SNX29: variants seen among roughly 807,000 people sequenced by gnomAD.
SNX29 encodes sorting nexin-29.
A neutral mutation model predicts 102.1 loss-of-function variants in SNX29; 78 were observed. The observed-to-expected ratio is 0.76, with a 90% CI of 0.64 to 0.92. SNX29 has a LOEUF of 0.92. SNX29 is among the 40% of genes least tolerant of loss of function. SNX29 has a pLI of 0.00. For missense variants in SNX29, 1,280 were observed against 1,061.7 expected (o/e 1.21, Z -2.86); for synonymous variants, 580 against 414.5 (o/e 1.40, Z -4.85).
At chr16:12,559,991 T>C (rs1002073346) in intron 20 of SNX29, among the ~76,000 whole-genome samples, 1 of 152,160 alleles carries the variant, frequency 6.6e-6, no homozygotes, top group Non-Finnish European at 1.5e-5. Context: ...AAAAAAGATT[T>C]TGCAAGCAAC....
chr16:12,323,880 C>G (rs777898871), intron 15 of SNX29, among the ~76,000 whole-genome samples: 123 of 152,144 alleles, frequency 8.1e-4, no homozygotes, highest in Non-Finnish European at 1.5e-3. Context: ...TTGTTAAGTA[C>G]TAACTTTTAT....
intron 13 of SNX29, among the ~76,000 whole-genome samples, chr16:12,167,045 A>G (rs1033282509): frequency 1.1e-4 from 17 of 152,170 alleles, no homozygotes; most frequent in African/African-American, 3.9e-4. Context: ...CATTTGCTCA[A>G]TGCATGTCTT....
At chr16:12,293,180 G>T (rs2079858355) in intron 15 of SNX29, among the ~76,000 whole-genome samples, 1 of 152,192 alleles carries the variant, frequency 6.6e-6, no homozygotes, top group East Asian at 1.9e-4. Context: ...GGCCTCAAGT[G>T]ATCCTCCCAC....
intron 15 of SNX29, among the ~76,000 whole-genome samples, chr16:12,346,661 A>G (rs2081818634): frequency 2.0e-5 from 3 of 152,142 alleles, no homozygotes; most frequent in African/African-American, 7.2e-5. Context: ...AAAGGAACAC[A>G]CCTTTCAGCA....
intron 13 of SNX29, among the ~76,000 whole-genome samples, chr16:12,172,165 C>T (rs1201597804): frequency 6.6e-6 from 1 of 152,142 alleles, no homozygotes; most frequent in African/African-American, 2.4e-5. Context: ...AAATCGGTAC[C>T]TGGTGGCTCT....
At chr16:11,991,412 G>T (rs2055841862) in intron 1 of SNX29, among the ~76,000 whole-genome samples, 1 of 152,194 alleles carries the variant, frequency 6.6e-6, no homozygotes, top group African/African-American at 2.4e-5. Flanking sequence ...CATGAAGGAA[G>T]AGCCATGCCA....
intron 18 of SNX29, among the ~76,000 whole-genome samples, chr16:12,418,629 C>G (rs1471830781): frequency 6.6e-6 from 1 of 152,142 alleles, no homozygotes; most frequent in African/African-American, 2.4e-5. Context: ...ATTCTCCTGC[C>G]TCAGCCTTCT....
rs573261001 is a variant in SNX29 at position 12,039,469 on chromosome 16, C to T, written c.248-3428C>T. On this transcript the variant is annotated intron_variant, in intron 4 of 20. Coordinates refer to ENST00000566228, the MANE Select transcript of SNX29 (RefSeq NM_032167.5). ...CTAGCTGGTGACACATAGCCTAGTT[C>T]GGTTCACAGCTCCCAGGAAGAATGC... Among the ~76,000 whole-genome samples the T allele has an allele frequency of 1.6e-4, 25 of 152,222 alleles. No individual in the cohort carries two copies. In the South Asian group the frequency reaches 1.9e-3, roughly 11 times the overall value.
chr16:12,347,767 C>T (rs1446826041), intron 15 of SNX29, among the ~76,000 whole-genome samples: 2 of 152,086 alleles, frequency 1.3e-5, no homozygotes, highest in African/African-American at 2.4e-5. Flanking sequence ...ACAATAACCT[C>T]ATTTGACAAA....
At chr16:12,366,625 A>G (rs1205966297) in intron 16 of SNX29, among the ~76,000 whole-genome samples, 2 of 152,192 alleles carry the variant, frequency 1.3e-5, no homozygotes, top group South Asian at 2.1e-4. Flanking sequence ...GGTCTAGAAC[A>G]GCACTGCCTT....
chr16:12,485,750 G>C (rs896195951), intron 19 of SNX29, among the ~76,000 whole-genome samples: 1 of 152,232 alleles, frequency 6.6e-6, no homozygotes, highest in Non-Finnish European at 1.5e-5. Context: ...TGGCAGTCTT[G>C]TAGGGAGGAT....
intron 13 of SNX29, among the ~76,000 whole-genome samples, chr16:12,156,421 T>C (rs757941202): frequency 1.8e-4 from 27 of 152,224 alleles, no homozygotes; most frequent in Admixed American, 1.3e-4. Flanking sequence ...TCCGCCCACC[T>C]CAGCCTCCCA....
At chr16:12,213,363 T>C (rs936452532) in intron 14 of SNX29, among the ~76,000 whole-genome samples, 6 of 152,118 alleles carry the variant, frequency 3.9e-5, no homozygotes, top group Admixed American at 6.5e-5. Context: ...AAACTACCTA[T>C]TGGGTCTAGA....
chr16:12,299,299 C>T (rs1380298819), intron 15 of SNX29, among the ~76,000 whole-genome samples: 23 of 143,666 alleles, frequency 1.6e-4, no homozygotes, highest in Admixed American at 1.6e-3. Context: ...GACTCCGTCT[C>T]AAAAAAAAAA....
intron 10 of SNX29, among the ~76,000 whole-genome samples, chr16:12,071,175 T>G (rs1366571107): frequency 6.6e-6 from 1 of 151,486 alleles, no homozygotes. Context: ...TTAGTTTAAT[T>G]AGATCCCATT....
At chr16:12,424,096 G>T (rs1215086830) in intron 18 of SNX29, among the ~76,000 whole-genome samples, 1 of 152,250 alleles carries the variant, frequency 6.6e-6, no homozygotes, top group Non-Finnish European at 1.5e-5. Context: ...TCAGAGGCGT[G>T]ATCAGAAAGA....
intron 20 of SNX29, among the ~76,000 whole-genome samples, chr16:12,541,652 T>A (rs2077347093): frequency 6.6e-6 from 1 of 152,102 alleles, no homozygotes; most frequent in South Asian, 2.1e-4. Context: ...TTCAGCCAGC[T>A]CCTAATGCAG....
intron 4 of SNX29, among the ~76,000 whole-genome samples, chr16:12,033,695 C>T (rs2057402493): frequency 1.3e-5 from 2 of 151,880 alleles, no homozygotes; most frequent in South Asian, 2.1e-4. Context: ...CAGCCTATGC[C>T]TCCTGGGTTC....
intron 13 of SNX29, among the ~76,000 whole-genome samples, chr16:12,143,082 C>A (rs1476072299): frequency 6.6e-6 from 1 of 151,964 alleles, no homozygotes; most frequent in Non-Finnish European, 1.5e-5. Flanking sequence ...ATTGCAACCT[C>A]TGCCTCCTGG....
Sources: allele counts gnomAD v4.1 joint callset (sites outside exome capture counted in the v4.1 genomes callset), GRCh38; gene constraint gnomAD v4.1.1; transcripts MANE v1.5; gene names NCBI Gene and HGNC (gene_info 2026-07-23, HGNC 2026-07-21).